The following MELK variants were observed in gnomAD, a reference collection of about 807,000 sequenced individuals.
MELK encodes maternal embryonic leucine zipper kinase.
Under a neutral mutation model 85.0 loss-of-function variants are expected in MELK, and 81 were observed. The observed-to-expected ratio is 0.95, with a 90% CI of 0.80 to 1.15. The LOEUF is 1.15. MELK is among the 50% of genes most tolerant of loss of function. MELK has a pLI of 0.00. For synonymous variants in MELK, 252 were observed against 265.0 expected, an observed-to-expected ratio of 0.95 and a Z score of 0.48; for missense variants, 754 against 777.5, an observed-to-expected ratio of 0.97 and a Z score of 0.36.
intron 8 of MELK, among the ~76,000 whole-genome samples, chr9:36,612,802 G>A (rs1826182662): frequency 6.6e-6 from 1 of 152,166 alleles, no homozygotes; most frequent in South Asian, 2.1e-4. Flanking sequence ...TTACATTGGG[G>A]AGTATTCTTT....
chr9:36,599,305 A>AG lies in MELK; in HGVS notation c.475-89_475-88insG, dbSNP rs1242266156. 4.8e-4 allele frequency: 257 copies of AG among 539,412 alleles called. No homozygotes were observed. The African/African-American group carries it at 6.4e-3, about 13-fold the overall frequency. 33.4% of individuals were successfully genotyped at this position (539,412 alleles called of 1,614,324 possible). On this transcript the variant is annotated intron_variant, in intron 6 of 17. Transcript: ENST00000298048. ...GACAGAGTGAGACTCCGTCTCAAAA[A>AG]AAAAAAAAAAAAAAAAAAAGAATGT...
chr9:36,675,219 G>T (rs1030820203), intron 17 of MELK, among the ~76,000 whole-genome samples: 28 of 152,154 alleles, frequency 1.8e-4, no homozygotes, highest in African/African-American at 6.3e-4. Context: ...CCTGGGTGGA[G>T]GCTGCAATGA....
At chr9:36,606,396 A>G (rs1191220601) in intron 7 of MELK, among the ~76,000 whole-genome samples, 1 of 122,596 alleles carries the variant, frequency 8.2e-6, no homozygotes, top group Non-Finnish European at 1.6e-5. Context: ...TAATATATAC[A>G]TATGTATAGG....
chr9:36,670,880 C>T, intron 15 of MELK, 118 bp from the exon 16 acceptor site: 1 of 1,052,602 alleles, frequency 9.5e-7, no homozygotes, highest in Non-Finnish European at 1.3e-6. Context: ...GGTGATCTGG[C>T]CCTGGCATAC....
chr9:36,661,970 GA>G (rs1484782919), intron 13 of MELK, among the ~76,000 whole-genome samples: 6 of 149,614 alleles, frequency 4.0e-5, no homozygotes, highest in Admixed American at 6.7e-5. Flanking sequence ...AACAAACAAA[GA>G]AAAAAACATA....
intron 1 of MELK, among the ~76,000 whole-genome samples, chr9:36,576,319 T>G (rs1033482860): frequency 6.6e-6 from 1 of 152,218 alleles, no homozygotes; most frequent in African/African-American, 2.4e-5. Flanking sequence ...ACCTACTTAT[T>G]AAGTTGGGTC....
intron 2 of MELK, among the ~76,000 whole-genome samples, 175 bp from the exon 3 acceptor site, chr9:36,583,452 G>T (rs1822473283): frequency 7.0e-6 from 1 of 142,720 alleles, no homozygotes; most frequent in African/African-American, 2.7e-5. Context: ...CACTATCATG[G>T]TTAAAAAAAA....
intron 7 of MELK, among the ~76,000 whole-genome samples, chr9:36,602,559 CTT>C (rs112982020): frequency 0.15 from 18,345 of 119,140 alleles, 1,683 homozygotes; most frequent in African/African-American, 0.32. Flanking sequence ...GCTCTACAGA[CTT>C]TTTTTTTTTT....
chr9:36,652,671 A>G (rs1830825656), intron 12 of MELK, among the ~76,000 whole-genome samples: 1 of 150,368 alleles, frequency 6.7e-6, no homozygotes, highest in Non-Finnish European at 1.5e-5. Flanking sequence ...CGGAGGTTAC[A>G]GTGAGCTGAG....
intron 13 of MELK, among the ~76,000 whole-genome samples, chr9:36,661,626 G>A (rs1417711293): frequency 6.6e-6 from 1 of 152,078 alleles, no homozygotes; most frequent in Non-Finnish European, 1.5e-5. Context: ...CTTATATTTA[G>A]GTATGTCTCT....
chr9:36,607,542 T>C, intron 7 of MELK, 33 bp from the exon 8 acceptor site: 1 of 1,461,708 alleles, frequency 6.8e-7, no homozygotes, highest in African/African-American at 1.4e-5. Flanking sequence ...AATTTTTGTT[T>C]CAGTAATTTT....
chr9:36,655,944 A>G (rs889047666), intron 12 of MELK, among the ~76,000 whole-genome samples: 3 of 152,122 alleles, frequency 2.0e-5, no homozygotes, highest in Admixed American at 2.0e-4. Flanking sequence ...AGACTTTGGG[A>G]AAAAAAGGAT....
At chr9:36,610,121 A>C (rs1825942814) in intron 8 of MELK, among the ~76,000 whole-genome samples, 1 of 152,126 alleles carries the variant, frequency 6.6e-6, no homozygotes, top group South Asian at 2.1e-4. Flanking sequence ...AGACGTGGGG[A>C]GGAATGGGCA....
chr9:36,653,173 G>A (rs1830882723), intron 12 of MELK, among the ~76,000 whole-genome samples: 1 of 152,044 alleles, frequency 6.6e-6, no homozygotes, highest in Non-Finnish European at 1.5e-5. Context: ...TTGAAACAAA[G>A]TCTTGCTTTG....
At chr9:36,664,246 A>G (rs1395229347) in intron 13 of MELK, among the ~76,000 whole-genome samples, 7 of 152,128 alleles carry the variant, frequency 4.6e-5, no homozygotes, top group Admixed American at 4.6e-4. Flanking sequence ...TAAACATGCA[A>G]ACATACTTAT....
At chr9:36,587,248 A>G (rs182607659) in intron 3 of MELK, among the ~76,000 whole-genome samples, 4 of 152,192 alleles carry the variant, frequency 2.6e-5, no homozygotes, top group African/African-American at 7.2e-5. Flanking sequence ...TTGTCAAGAC[A>G]TGATATCTAG....
Position 36,607,578 on chromosome 9 carries a change from G to C in MELK, c.571G>C (p.Asp191His), listed in dbSNP as rs199880240. The C allele has an allele frequency of 1.9e-6, 3 of 1,607,194 alleles. No individual in the cohort carries two copies. The highest frequency in any genetic ancestry group is 2.2e-5 in the East Asian group (1 of 44,840). The change falls in exon 8 of 18, where the codon GAT becomes CAT. Residue 191 changes from aspartate (D) to histidine (H), a missense_variant. Asp to His is a moderately conservative substitution (Grantham distance 81). Coordinates refer to ENST00000298048, the MANE Select transcript of MELK (RefSeq NM_014791.4). ...TCTTTTTCCCTCTTTCTCTCAGGCA[G>C]ATGTTTGGAGCATGGGCATACTGTT... ...QGKSYLGSEA[D>H]VWSMGILLYV...
At chr9:36,677,106 C>T in intron 17 of MELK, 54 bp from the exon 18 acceptor site, 1 of 1,515,862 alleles carries the variant, frequency 6.6e-7, no homozygotes, top group Non-Finnish European at 9.0e-7. Context: ...TTAGAAAACT[C>T]TTATACAGAA....
intron 14 of MELK, among the ~76,000 whole-genome samples, chr9:36,667,003 ATTC>A (rs1480107378): frequency 2.0e-5 from 3 of 151,742 alleles, no homozygotes; most frequent in Non-Finnish European, 4.4e-5. Context: ...CTGCTATTGC[ATTC>A]TTTCCCAATG....
Sources: allele counts gnomAD v4.1 joint callset (sites outside exome capture counted in the v4.1 genomes callset), GRCh38; gene constraint gnomAD v4.1.1; transcripts MANE v1.5; gene names NCBI Gene and HGNC (gene_info 2026-07-23, HGNC 2026-07-21).